The following MED23 variants were observed in gnomAD, a reference collection of about 807,000 sequenced individuals.
MED23 encodes mediator complex subunit 23.
Under a neutral mutation model 163.9 loss-of-function variants are expected in MED23, and 105 were observed. That is an observed-to-expected ratio of 0.64 (90% CI 0.55 to 0.75). The LOEUF (loss-of-function observed/expected upper bound fraction) is 0.75. Among genes scored for constraint, MED23 ranks in the 30% least tolerant of loss-of-function variants. The pLI is 0.00. For synonymous variants in MED23, 561 were observed against 565.6 expected (o/e 0.99, Z 0.12); for missense variants, 1,054 against 1,649.0 (o/e 0.64, Z 6.25).
chr6:131,591,303 T>C lies in MED23; in HGVS notation c.3686+10A>G, dbSNP rs766185048. The C allele has an allele frequency of 6.3e-7, 1 of 1,599,054 alleles. No homozygotes were observed. The highest frequency in any genetic ancestry group is 1.1e-5 in the South Asian group (1 of 90,754). The stretch of plus-strand genomic sequence containing the variant: ...TACGTCAAATTTCTTTAAGAAATTA[T>C]TATACTTACTTTGGAATGAGAGAAA... On this transcript the variant is annotated intron_variant, in intron 26 of 28. Coordinates refer to ENST00000368068, the MANE Select transcript of MED23 (RefSeq NM_004830.4).
At position 131,620,700 on chromosome 6, in the gene MED23, G is replaced by A. The variant is rs1777033609; in HGVS notation, c.525C>T (p.Ala175=). Residue 175 remains alanine, a synonymous_variant, in exon 7 of 29, where the codon GCC becomes GCT. Coordinates refer to ENST00000368068, the MANE Select transcript of MED23 (RefSeq NM_004830.4). ...CTGCAAAATAGGCTGGTAATAAGCA[G>A]GCATTTCTTTCCAAGATATATGCTA... ...EVIAYILERN[A]CLLPAYFAVT... is the part of the protein sequence containing the mutation. 10 of 1,613,202 alleles carry A rather than the reference G, an allele frequency of 6.2e-6. No individual in the cohort carries two copies. The highest frequency in any genetic ancestry group is 7.6e-6 in the Non-Finnish European group (9 of 1,179,430).
At chr6:131,576,278 C>T (rs1321999644) in intron 30 of MED23, among the ~76,000 whole-genome samples, 1 of 152,174 alleles carries the variant, frequency 6.6e-6, no homozygotes, top group Admixed American at 6.5e-5. Flanking sequence ...AAGTCAAAAG[C>T]CTTTTCATTA....
At chr6:131,625,312 C>T (rs1314993979) in intron 3 of MED23, among the ~76,000 whole-genome samples, 1 of 152,164 alleles carries the variant, frequency 6.6e-6, no homozygotes, top group Non-Finnish European at 1.5e-5. Context: ...GCATTGTAAA[C>T]AGTGCCCTTT....
intron 7 of MED23, among the ~76,000 whole-genome samples, 197 bp from the exon 8 acceptor site, chr6:131,620,093 C>T (rs745530253): frequency 2.7e-4 from 41 of 152,188 alleles, no homozygotes; most frequent in Middle Eastern, 3.4e-3. Flanking sequence ...TTAATTAAAC[C>T]AAGTCACACC....
intron 15 of MED23, 78 bp from the exon 16 acceptor site, chr6:131,603,282 G>GT (rs1397594915): frequency 2.1e-5 from 28 of 1,355,068 alleles, no homozygotes; most frequent in Non-Finnish European, 2.7e-5. Context: ...GTCACATTGA[G>GT]TAAAATATAA....
intron 10 of MED23, among the ~76,000 whole-genome samples, chr6:131,612,895 T>C (rs1776383697): frequency 6.6e-6 from 1 of 152,130 alleles, no homozygotes; most frequent in Non-Finnish European, 1.5e-5. Flanking sequence ...CTTGACGCTT[T>C]TCATGTACAG....
intron 17 of MED23, among the ~76,000 whole-genome samples, chr6:131,601,633 C>T (rs1380706612): frequency 6.6e-6 from 1 of 152,144 alleles, no homozygotes; most frequent in Non-Finnish European, 1.5e-5. Flanking sequence ...CCACATTTTT[C>T]ACTTACTTCA....
At chr6:131,608,163 G>T in intron 11 of MED23, 92 bp from the exon 12 acceptor site, 1 of 1,375,950 alleles carries the variant, frequency 7.3e-7, no homozygotes, top group Non-Finnish European at 1.0e-6. Context: ...TTGTTTTTAA[G>T]GAGAAACCTG....
intron 6 of MED23, 75 bp from the exon 7 acceptor site, chr6:131,620,804 ATT>A (rs763118261): frequency 0.014 from 8,802 of 647,318 alleles, no homozygotes; most frequent in East Asian, 0.017. Flanking sequence ...TATTATCATT[ATT>A]TTTTTTTTTT....
At chr6:131,576,312 T>C (rs150457491) in intron 30 of MED23, among the ~76,000 whole-genome samples, 1 of 152,354 alleles carries the variant, frequency 6.6e-6, no homozygotes, top group African/African-American at 2.4e-5. Flanking sequence ...ACCAGACTGC[T>C]TTTGCACAAA....
rs77555142 is a variant in MED23, at chr6:131,627,865, T to C, written c.39+146A>G. ...GACAGCAGTTTGAGAATCACTAAAC[T>C]TCCCCGCATACAACCTCGGTGTCAA... is the stretch of plus-strand genomic sequence containing the variant. On this transcript the variant is annotated intron_variant, in intron 1 of 28. Coordinates refer to ENST00000368068, the MANE Select transcript of MED23 (RefSeq NM_004830.4). 13,416 of 1,165,044 alleles carry C rather than the reference T, an allele frequency of 0.012. 1,070 individuals are homozygous for C. In the African/African-American group the frequency reaches 0.17, roughly 15 times the overall value. The allele number at this position is 1,165,044 out of a possible 1,614,324, so 72.2% of individuals were successfully genotyped here.
intron 28 of MED23, 64 bp from the exon 29 acceptor site, chr6:131,587,910 G>T: frequency 7.0e-7 from 1 of 1,419,356 alleles, no homozygotes. Flanking sequence ...CACATTTAAA[G>T]CAGGATTTAC....
intron 17 of MED23, among the ~76,000 whole-genome samples, chr6:131,601,917 C>T (rs1246050361): frequency 1.3e-5 from 2 of 151,582 alleles, no homozygotes; most frequent in African/African-American, 4.8e-5. Context: ...TAAACAGAAA[C>T]TCTTTGGGAA....
intron 1 of MED23, 68 bp downstream of exon 1, chr6:131,627,943 T>C (rs1312003515): frequency 1.2e-6 from 2 of 1,605,038 alleles, no homozygotes; most frequent in East Asian, 2.2e-5. Context: ...GCCAGTTTCC[T>C]TGGTCGGCTG....
chr6:131,621,634 G>T (rs1286745039), intron 6 of MED23, among the ~76,000 whole-genome samples: 1 of 151,956 alleles, frequency 6.6e-6, no homozygotes, highest in Admixed American at 6.6e-5. Context: ...CATATGCTAA[G>T]GTCTTGTAAT....
At chr6:131,593,313 G>T in intron 23 of MED23, 142 bp from the exon 24 acceptor site, 1 of 1,018,276 alleles carries the variant, frequency 9.8e-7, no homozygotes, top group Non-Finnish European at 1.5e-6. Context: ...AGTTTGACAT[G>T]ATTGAAATGT....
downstream of MED23, chr6:131,582,758 T>C: frequency 6.4e-7 from 1 of 1,563,384 alleles, no homozygotes. Context: ...TTTTTGTCCC[T>C]TTGTGTGCTA....
intron 30 of MED23, among the ~76,000 whole-genome samples, chr6:131,578,606 G>A (rs969609476): frequency 1.3e-5 from 2 of 152,100 alleles, no homozygotes; most frequent in African/African-American, 4.8e-5. Context: ...CTATGAGGCA[G>A]GTTCAATGGA....
In MED23 at chr6:131,600,065, G is replaced by A; in HGVS notation, c.2193C>T (p.Thr731=). The A allele has an allele frequency of 6.2e-7, 1 of 1,613,950 alleles. No homozygotes were observed. The highest frequency in any genetic ancestry group is 8.5e-7 in the Non-Finnish European group (1 of 1,179,972). The change falls in exon 18 of 29, where the codon ACC becomes ACT. Residue 731 remains threonine, a synonymous_variant. Coordinates refer to ENST00000368068, the MANE Select transcript of MED23 (RefSeq NM_004830.4). ...SFTPHNWASH[T]LSCFPGPLQA... ...GTAGTGGGCCTGGAAAACAGCTCAG[G>A]GTGTGTGAAGCCCAATTATGAGGAG...
Sources: allele counts gnomAD v4.1 joint callset (sites outside exome capture counted in the v4.1 genomes callset), GRCh38; gene constraint gnomAD v4.1.1; transcripts MANE v1.5; gene names NCBI Gene and HGNC (gene_info 2026-07-23, HGNC 2026-07-21).